Variants in PABPC4 observed in about 807,000 individuals in gnomAD.
PABPC4 encodes the protein polyadenylate-binding protein 4.
In PABPC4, 15 loss-of-function variants were observed where a neutral mutation model predicts 74.5. The observed-to-expected ratio is 0.20, with a 90% CI of 0.13 to 0.31. The LOEUF (loss-of-function observed/expected upper bound fraction) is 0.31, where lower values mean the gene tolerates loss of function less well. Ranked by LOEUF, PABPC4 falls within the 10% of genes least tolerant of loss-of-function variation. The pLI is 1.00. For synonymous variants in PABPC4, 345 were observed against 303.0 expected, an observed-to-expected ratio of 1.14 and a Z score of -1.44; for missense variants, 610 against 853.5, an observed-to-expected ratio of 0.71 and a Z score of 3.55.
chr1:39,565,449 C>A (rs1445095508), intron 7 of PABPC4, 71 bp from the exon 8 acceptor site: 3 of 1,502,168 alleles, frequency 2.0e-6, no homozygotes, highest in Non-Finnish European at 2.7e-6. Context: ...TGCCTGTAAT[C>A]CCAGCACTTT....
intron 2 of PABPC4, 83 bp downstream of exon 2, chr1:39,572,310 C>A: frequency 9.3e-7 from 1 of 1,077,674 alleles, no homozygotes; most frequent in South Asian, 1.5e-5. Flanking sequence ...TTCCCCAATT[C>A]CAAGATAGTT....
At chr1:39,564,857 G>A (rs1318014019) in intron 8 of PABPC4, 84 bp from the exon 9 acceptor site, 8 of 1,100,550 alleles carry the variant, frequency 7.3e-6, no homozygotes, top group East Asian at 2.4e-5. Context: ...CACTAACCAG[G>A]ACCTAAGCTA....
At chr1:39,571,710 A>G (rs1471909770) in intron 2 of PABPC4, 3 of 432,922 alleles carry the variant, frequency 6.9e-6, no homozygotes, top group African/African-American at 6.2e-5. Context: ...CTGTCTCTAC[A>G]AAAAAGAAAA....
In PABPC4 at chr1:39,576,622, G is replaced by C. The variant is rs1299172377; in HGVS notation, c.-671C>G. On this transcript the variant is annotated 5_prime_UTR_variant, in exon 1 of 16. Coordinates refer to ENST00000372858, the MANE Select transcript of PABPC4 (RefSeq NM_001135653.2). ...GGCGGGCGCGGGGCAGGCCGGAAGC[G>C]TACGAAAGTGACTTCCCCGCGGGTT... is the stretch of plus-strand genomic sequence containing the variant. 1.3e-5 allele frequency: 2 copies of C among 149,314 alleles called. No homozygotes were observed. The highest frequency in any genetic ancestry group is 1.5e-5 in the Non-Finnish European group (1 of 67,016). 9.2% of individuals were successfully genotyped at this position (149,314 alleles called of 1,614,324 possible). A position where few individuals can be genotyped will look rare whatever the true frequency, so the allele number is the denominator to read the frequency against.
chr1:39,571,017 G>C (rs550022442), intron 3 of PABPC4: 10 of 1,406,620 alleles, frequency 7.1e-6, no homozygotes, highest in Non-Finnish European at 9.3e-6. Flanking sequence ...AGGGAGAGGC[G>C]GCAGGCAGGC....
intron 7 of PABPC4, chr1:39,567,399 G>A (rs772621305): frequency 3.8e-6 from 2 of 525,654 alleles, no homozygotes; most frequent in Non-Finnish European, 7.6e-6. Flanking sequence ...GTAGAGACAG[G>A]CCCCAAGACA....
At chr1:39,575,064 ATTT>A (rs1646004067) in intron 1 of PABPC4, among the ~76,000 whole-genome samples, 1 of 152,148 alleles carries the variant, frequency 6.6e-6, no homozygotes, top group Admixed American at 6.5e-5. Context: ...ATGACACCAG[ATTT>A]TCAAGTGACG....
At chr1:39,565,412 G>A (rs780950560) in intron 7 of PABPC4, 34 bp from the exon 8 acceptor site, 1 of 1,585,186 alleles carries the variant, frequency 6.3e-7, no homozygotes, top group Non-Finnish European at 8.6e-7. Context: ...AAGAAATAAG[G>A]TGTCCCTGGC....
rs1160601369 is a variant in PABPC4, at chr1:39,565,280, A to G, written c.1071T>C (p.Ile357=). The G allele has an allele frequency of 2.5e-6, 4 of 1,614,102 alleles. No homozygotes were observed. The highest frequency in any genetic ancestry group is 3.4e-6 in the Non-Finnish European group (4 of 1,180,054). The change falls in exon 8 of 16, where the codon ATT becomes ATC. Residue 357 remains isoleucine, a synonymous_variant. Coordinates refer to ENST00000372858, the MANE Select transcript of PABPC4 (RefSeq NM_001135653.2). ...TKAVTEMNGR[I]VGSKPLYVAL... ...CAACATATAGTGGCTTGGAGCCCAC[A>G]ATGCGTCCATTCATCTCAGTGACTG...
At chr1:39,573,420 G>C (rs1461898545) in intron 1 of PABPC4, among the ~76,000 whole-genome samples, 36 of 152,246 alleles carry the variant, frequency 2.4e-4, no homozygotes, top group Non-Finnish European at 5.9e-5. Context: ...AGAATTCTAG[G>C]ACTTCAGCTA....
chr1:39,571,449 T>G (rs557138221), intron 2 of PABPC4, 100 bp from the exon 3 acceptor site: 2 of 1,362,454 alleles, frequency 1.5e-6, no homozygotes, highest in Admixed American at 1.9e-5. Context: ...AGCCCATCCA[T>G]GGCCAATGGT....
chr1:39,564,675 C>A lies in PABPC4; in HGVS notation c.1333+11G>T. ...ATCCTGGGCTGTCAATTACTGTTCC[C>A]CACCACCTACCTTGAGGTCTCCCAC... On this transcript the variant is annotated intron_variant, in intron 9 of 15. Transcript: ENST00000372858. 1 of 1,613,598 alleles carries A rather than the reference C, an allele frequency of 6.2e-7. No homozygotes were observed. Among genetic ancestry groups the A allele is most frequent in the East Asian group, 2.2e-5 (1 of 44,874 alleles).
intron 8 of PABPC4, 88 bp from the exon 9 acceptor site, chr1:39,564,861 T>C (rs1645813155): frequency 2.8e-6 from 3 of 1,075,046 alleles, no homozygotes; most frequent in Non-Finnish European, 2.8e-6. Flanking sequence ...AACCAGGACC[T>C]AAGCTAATTA....
intron 8 of PABPC4, 53 bp downstream of exon 8, chr1:39,565,053 G>A (rs1394427209): frequency 5.1e-5 from 82 of 1,595,308 alleles, no homozygotes; most frequent in Non-Finnish European, 6.9e-5. Flanking sequence ...AACCACTGCA[G>A]AATACTGCCA....
chr1:39,565,488 G>A (rs1645823054), intron 7 of PABPC4, 110 bp from the exon 8 acceptor site: 2 of 1,144,896 alleles, frequency 1.7e-6, no homozygotes, highest in Non-Finnish European at 2.5e-6. Context: ...GGCTGCTTGA[G>A]CTCAGGAGGT....
At chr1:39,564,818 C>A (rs372363816) in intron 8 of PABPC4, 45 bp from the exon 9 acceptor site, 2 of 1,432,742 alleles carry the variant, frequency 1.4e-6, no homozygotes, top group South Asian at 1.1e-5. Context: ...AGGACTGAAC[C>A]CATCCTAGAG....
chr1:39,561,723 C>T lies in PABPC4; in HGVS notation c.1958G>A (p.Gly653Asp), dbSNP rs146641314. 6.2e-7 allele frequency: 1 copy of T among 1,613,466 alleles called. No homozygotes were observed. The highest frequency in any genetic ancestry group is 8.5e-7 in the Non-Finnish European group (1 of 1,179,912). Residue 653 changes from glycine to aspartate, a missense_variant, in exon 15 of 16, where the codon GGC becomes GAC. Around this residue, in one of 4 missense-constraint regions of PABPC4, gnomAD observed 29 missense variants for 51.6 expected, o/e 0.56. Transcript: ENST00000372858. The stretch of plus-strand genomic sequence containing the variant: ...CTAAGAGGTAGCAGCAGCAACAGCG[C>T]CCACCTTCTGGGCAGCTTCTTTCTT... Reference protein sequence around the residue: ...HAKKEAAQKVGAVAAATS With the variant: ...HAKKEAAQKVDAVAAATS
In PABPC4 at chr1:39,576,790, G is replaced by A. The variant is rs906970098; in HGVS notation, c.-839C>T. On this transcript the variant is annotated 5_prime_UTR_variant, in exon 1 of 16. Transcript: ENST00000372858. ...GCGGCAGCGACCCGGGGCGGAGAGA[G>A]GCGGCCGAGGGAGCCACCGCTCCAT... The A allele has an allele frequency of 6.7e-6, 1 of 149,630 alleles. No individual in the cohort carries two copies. Among genetic ancestry groups the A allele is most frequent in the African/African-American group, 2.4e-5 (1 of 41,120 alleles). 9.3% of individuals were successfully genotyped at this position (149,630 alleles called of 1,614,324 possible).
intron 5 of PABPC4, 63 bp downstream of exon 5, chr1:39,569,532 G>T: frequency 8.5e-7 from 1 of 1,176,262 alleles, no homozygotes; most frequent in Non-Finnish European, 1.3e-6. Context: ...GTGCTAGCAA[G>T]ACCCTACCCA....
Sources: allele counts gnomAD v4.1 joint callset (sites outside exome capture counted in the v4.1 genomes callset), GRCh38; gene constraint gnomAD v4.1.1; regional missense constraint gnomAD v4.1.1; transcripts MANE v1.5; gene names NCBI Gene and HGNC (gene_info 2026-07-23, HGNC 2026-07-21).